FOCAD: variants seen among roughly 807,000 people sequenced by gnomAD.
FOCAD encodes the protein KIAA1797.
In FOCAD, 198 loss-of-function variants were observed where a neutral mutation model predicts 225.6. The ratio of observed to expected loss-of-function variants is 0.88; its 90% confidence interval spans 0.78 to 0.99. FOCAD has a LOEUF of 0.99. Ranked by LOEUF, FOCAD falls within the 50% of genes least tolerant of loss-of-function variation. The pLI is 0.00. For missense variants in FOCAD, 2,713 were observed against 2,123.6 expected (o/e 1.28, Z -5.46); for synonymous variants, 897 against 755.0 (o/e 1.19, Z -3.08).
At chr9:20,763,524 C>G (rs992967693) in intron 6 of FOCAD, among the ~76,000 whole-genome samples, 1 of 152,136 alleles carries the variant, frequency 6.6e-6, no homozygotes, top group Non-Finnish European at 1.5e-5. Flanking sequence ...CTGATGTGAT[C>G]TGATCAAGGT....
chr9:20,700,793 C>CCT (rs1475686698), intron 1 of FOCAD, among the ~76,000 whole-genome samples: 3 of 152,184 alleles, frequency 2.0e-5, no homozygotes, highest in Non-Finnish European at 2.9e-5. Flanking sequence ...ACAGTGGAAT[C>CCT]CTGATTCTAA....
chr9:20,655,974 G>A (rs1403399740), upstream of FOCAD, among the ~76,000 whole-genome samples: 1 of 151,974 alleles, frequency 6.6e-6, no homozygotes. Context: ...CTGGTATGTT[G>A]TGTCTTTGTT....
intron 35 of FOCAD, among the ~76,000 whole-genome samples, chr9:20,975,973 A>G (rs2132582339): frequency 6.6e-6 from 1 of 152,308 alleles, no homozygotes; most frequent in Non-Finnish European, 1.5e-5. Context: ...AAGTTCAAAT[A>G]CGGGGAATAA....
intron 25 of FOCAD, among the ~76,000 whole-genome samples, chr9:20,924,954 TTTGA>T (rs1333800740): frequency 6.6e-6 from 1 of 152,178 alleles, no homozygotes; most frequent in Admixed American, 6.5e-5. Flanking sequence ...GGACAGCTAG[TTTGA>T]TTGAGCATTT....
intron 5 of FOCAD, among the ~76,000 whole-genome samples, chr9:20,755,301 A>G (rs1828947223): frequency 6.6e-6 from 1 of 152,192 alleles, no homozygotes; most frequent in Non-Finnish European, 1.5e-5. Context: ...TTTTGAATTT[A>G]GGTCTGAGAT....
intron 5 of FOCAD, among the ~76,000 whole-genome samples, chr9:20,750,994 G>A (rs1252661068): frequency 3.3e-5 from 5 of 151,956 alleles, no homozygotes; most frequent in African/African-American, 9.7e-5. Flanking sequence ...TAGTCTGATC[G>A]CCTTATTTTA....
At chr9:20,777,703 A>G (rs1320087739) in intron 8 of FOCAD, among the ~76,000 whole-genome samples, 1 of 152,362 alleles carries the variant, frequency 6.6e-6, no homozygotes, top group East Asian at 1.9e-4. Context: ...TGCAAGTTAT[A>G]TAGATGAATC....
intron 4 of FOCAD, 111 bp downstream of exon 4, chr9:20,720,645 G>C: frequency 1.8e-6 from 2 of 1,084,072 alleles, no homozygotes; most frequent in Non-Finnish European, 2.7e-6. Flanking sequence ...TGTTTTTCTT[G>C]CTCTTAAAAT....
At chr9:20,784,168 C>T (rs1002644801) in intron 10 of FOCAD, among the ~76,000 whole-genome samples, 2 of 152,152 alleles carry the variant, frequency 1.3e-5, no homozygotes, top group Non-Finnish European at 2.9e-5. Flanking sequence ...AACCACTTGT[C>T]GTGTGAGCAG....
chr9:20,949,378 T>C (rs1837479633), intron 32 of FOCAD, among the ~76,000 whole-genome samples: 1 of 152,146 alleles, frequency 6.6e-6, no homozygotes, highest in African/African-American at 2.4e-5. Context: ...TAAAAGTTGA[T>C]TGAGTGATTG....
chr9:20,716,200 G>T, intron 2 of FOCAD: 1 of 435,686 alleles, frequency 2.3e-6, no homozygotes, highest in Non-Finnish European at 5.2e-6. Context: ...GTCATATCCT[G>T]CAGGTCCTTA....
intron 8 of FOCAD, among the ~76,000 whole-genome samples, chr9:20,778,322 G>A (rs1818998421): frequency 6.6e-6 from 1 of 151,852 alleles, no homozygotes; most frequent in Non-Finnish European, 1.5e-5. Context: ...TTGGCTCACT[G>A]CAACCTCCAC....
At chr9:20,964,789 C>T (rs1047765377) in intron 35 of FOCAD, among the ~76,000 whole-genome samples, 1 of 152,186 alleles carries the variant, frequency 6.6e-6, no homozygotes, top group African/African-American at 2.4e-5. Context: ...CCTCCTCGGC[C>T]TCCCAAAGTG....
chr9:20,802,362 G>C lies in FOCAD; in HGVS notation c.1455+12754G>C, dbSNP rs561263647. On this transcript the variant is annotated intron_variant, in intron 11 of 43. Coordinates refer to ENST00000338382, the MANE Select transcript of FOCAD (RefSeq NM_001375567.1). ...ATAGCAGTAAAGCTAAATAAGAGAA[G>C]TAAGGACAAAGTGTCTTTACACTTC... 9.9e-5 allele frequency among the ~76,000 whole-genome samples: 15 copies of C among 152,156 alleles called. No individual in the cohort carries two copies. The South Asian group carries it at 3.1e-3, about 32-fold the overall frequency.
chr9:20,698,281 C>G (rs1823545803), intron 1 of FOCAD, among the ~76,000 whole-genome samples: 1 of 151,964 alleles, frequency 6.6e-6, no homozygotes. Flanking sequence ...ATAACCCTAT[C>G]AACATTTTTG....
intron 11 of FOCAD, among the ~76,000 whole-genome samples, chr9:20,800,899 A>G (rs1347114308): frequency 2.0e-5 from 3 of 152,098 alleles, no homozygotes; most frequent in South Asian, 2.1e-4. Context: ...GAGGAGCTGC[A>G]TTCCTTTGGA....
intron 5 of FOCAD, among the ~76,000 whole-genome samples, chr9:20,746,301 A>G (rs1320781172): frequency 2.0e-5 from 3 of 152,200 alleles, no homozygotes; most frequent in Non-Finnish European, 4.4e-5. Flanking sequence ...AGCTTGGCAC[A>G]TGAGAGGAAC....
At chr9:20,670,348 C>T (rs1386771116) in intron 2 of FOCAD, among the ~76,000 whole-genome samples, 1 of 152,150 alleles carries the variant, frequency 6.6e-6, no homozygotes, top group Non-Finnish European at 1.5e-5. Flanking sequence ...TTAGTCTGTT[C>T]TCACACTGTT....
chr9:20,735,692 G>GTTT (rs111699762), intron 4 of FOCAD, among the ~76,000 whole-genome samples: 13 of 141,390 alleles, frequency 9.2e-5, no homozygotes, highest in African/African-American at 3.1e-4. Flanking sequence ...ATTTTTTAAG[G>GTTT]TTTTTTTTTT....
Sources: gnomAD v4.1 joint callset for allele counts (sites outside exome capture counted in the v4.1 genomes callset) on GRCh38, gnomAD v4.1.1 for gene constraint, MANE v1.5 for transcripts, NCBI Gene and HGNC (gene_info 2026-07-23, HGNC 2026-07-21) for gene names.